The following CDH23 variants were observed in gnomAD, a reference collection of about 807,000 sequenced individuals.
The protein encoded by CDH23 is cadherin-23.
CDH23 carries 189 observed loss-of-function variants against 317.1 expected under a neutral mutation model. That is an observed-to-expected ratio of 0.60 (90% CI 0.53 to 0.67). The LOEUF is 0.67. Among genes scored for constraint, CDH23 ranks in the 30% least tolerant of loss-of-function variants. The probability of loss-of-function intolerance (pLI) is 0.00; values close to 1 mark genes in which losing one functional copy is unlikely to be tolerated. For missense variants in CDH23, 4,401 were observed against 4,592.4 expected (o/e 0.96, Z 1.20); for synonymous variants, 1,839 against 1,876.8 (o/e 0.98, Z 0.52).
At chr10:71,454,281 G>A (rs749749074) in intron 3 of CDH23, among the ~76,000 whole-genome samples, 2 of 152,208 alleles carry the variant, frequency 1.3e-5, no homozygotes, top group South Asian at 2.1e-4. Context: ...AATATTAAAC[G>A]AGCAAATTGT....
chr10:71,408,041 T>G (rs987443230), intron 1 of CDH23, among the ~76,000 whole-genome samples: 2 of 152,228 alleles, frequency 1.3e-5, no homozygotes, highest in Non-Finnish European at 2.9e-5. Context: ...TTTTACTAAG[T>G]ATTAATGACT....
chr10:71,483,236 C>G (rs967177823), intron 3 of CDH23, among the ~76,000 whole-genome samples: 2 of 152,224 alleles, frequency 1.3e-5, no homozygotes, highest in Non-Finnish European at 2.9e-5. Context: ...CACTCTCACC[C>G]TTCCAGGGGT....
At chr10:71,667,099 T>C (rs1404120784) in intron 14 of CDH23, among the ~76,000 whole-genome samples, 3 of 152,356 alleles carry the variant, frequency 2.0e-5, no homozygotes, top group African/African-American at 7.2e-5. Flanking sequence ...CCTCTGTTGC[T>C]GGGACCCAGG....
chr10:71,589,009 G>T (rs1010567457), intron 9 of CDH23, among the ~76,000 whole-genome samples: 1 of 152,110 alleles, frequency 6.6e-6, no homozygotes. Flanking sequence ...CCACTCACAC[G>T]CAAACAGCTC....
intron 3 of CDH23, among the ~76,000 whole-genome samples, chr10:71,477,568 G>A (rs1044647142): frequency 2.0e-5 from 3 of 151,994 alleles, no homozygotes; most frequent in South Asian, 2.1e-4. Flanking sequence ...TCATGGCTTC[G>A]GCTGCCATGT....
intron 9 of CDH23, among the ~76,000 whole-genome samples, chr10:71,602,546 G>A (rs1290523957): frequency 2.0e-5 from 3 of 152,192 alleles, no homozygotes; most frequent in African/African-American, 4.8e-5. Flanking sequence ...GGCAGTTGGA[G>A]GGGGAGGCTG....
intron 14 of CDH23, among the ~76,000 whole-genome samples, chr10:71,674,160 CT>C (rs1389079677): frequency 2.6e-5 from 4 of 152,194 alleles, no homozygotes; most frequent in Non-Finnish European, 5.9e-5. Flanking sequence ...TGGGTATAAA[CT>C]TTTTTTCATT....
chr10:71,807,844 A>T lies in CDH23; in HGVS notation c.8561-2A>T. The T allele has an allele frequency of 6.3e-7, 1 of 1,599,690 alleles. No individual in the cohort carries two copies. The highest frequency in any genetic ancestry group is 1.1e-5 in the South Asian group (1 of 88,696). On this transcript the variant is annotated splice_acceptor_variant, in intron 59 of 69. Transcript: ENST00000224721. LOFTEE classifies it high-confidence loss of function. ...ACTTACACCACCTGCCTCTTCCTGC[A>T]GGGGTGGCCACCGACGCCAAGGTGG...
chr10:71,796,592 A>G (rs1208110021), intron 48 of CDH23, among the ~76,000 whole-genome samples: 1 of 152,232 alleles, frequency 6.6e-6, no homozygotes, highest in African/African-American at 2.4e-5. Flanking sequence ...CATTTTTTAA[A>G]TGGTGATAAA....
chr10:71,583,530 C>T (rs901257565), intron 9 of CDH23, among the ~76,000 whole-genome samples: 2 of 152,092 alleles, frequency 1.3e-5, no homozygotes, highest in Non-Finnish European at 1.5e-5. Flanking sequence ...CAGCCACAGG[C>T]CACATTAGGA....
At chr10:71,600,670 C>T (rs1589251589) in intron 9 of CDH23, among the ~76,000 whole-genome samples, 1 of 152,038 alleles carries the variant, frequency 6.6e-6, no homozygotes, top group East Asian at 1.9e-4. Flanking sequence ...ACACGCACCA[C>T]CACGCCCAGC....
chr10:71,474,558 A>G (rs942123002), intron 3 of CDH23, among the ~76,000 whole-genome samples: 1 of 152,232 alleles, frequency 6.6e-6, no homozygotes, highest in Non-Finnish European at 1.5e-5. Flanking sequence ...TCTGGCAACT[A>G]GCAGCTGTTA....
chr10:71,799,315 T>G lies in CDH23; in HGVS notation c.7224+35T>G, dbSNP rs140383984. On this transcript the variant is annotated intron_variant, in intron 51 of 69. Transcript: ENST00000224721. ...CAGGCCACAGGCTGGGTCCAGGACC[T>G]GCGCCCATTCCTTGGGGTCTTTGGG... 152 of 1,613,636 alleles carry G rather than the reference T, an allele frequency of 9.4e-5. No individual in the cohort carries two copies. The Middle Eastern group carries it at 1.2e-3, about 12-fold the overall frequency.
rs747732549 is a variant in CDH23, at chr10:71,779,249, GC to G, written c.5188-17del. 2 of 1,613,748 alleles carry G rather than the reference GC, an allele frequency of 1.2e-6. No homozygotes were observed. The highest frequency in any genetic ancestry group is 4.5e-5 in the East Asian group (2 of 44,876). On this transcript the variant is annotated splice_polypyrimidine_tract_variant and intron_variant, in intron 40 of 69. Coordinates refer to ENST00000224721, the MANE Select transcript of CDH23 (RefSeq NM_022124.6). The stretch of plus-strand genomic sequence containing the variant: ...CTGGCTGGGGTGAGGCCTTGGCTAA[GC>G]TTTTCCACCATCTCAGGTGCTTGTG...
chr10:71,500,506 G>A (rs1853231227), intron 3 of CDH23, among the ~76,000 whole-genome samples: 1 of 152,336 alleles, frequency 6.6e-6, no homozygotes, highest in Admixed American at 6.5e-5. Context: ...GGAAAGCCAG[G>A]GTGCTAGAGG....
At chr10:71,614,860 G>A (rs538608548) in intron 9 of CDH23, among the ~76,000 whole-genome samples, 25 of 152,218 alleles carry the variant, frequency 1.6e-4, no homozygotes, top group African/African-American at 6.0e-4. Context: ...AGAGGGGTGG[G>A]TTTACAGAGA....
chr10:71,433,117 G>A (rs1360006056), intron 1 of CDH23, among the ~76,000 whole-genome samples: 3 of 152,192 alleles, frequency 2.0e-5, no homozygotes, highest in African/African-American at 7.2e-5. Flanking sequence ...CTAGCTAGAA[G>A]ACAATAAAAC....
Position 71,441,915 on chromosome 10 carries a change from A to G in CDH23, c.67+2017A>G, listed in dbSNP as rs151113120. On this transcript the variant is annotated intron_variant, in intron 2 of 69. Coordinates refer to ENST00000224721, the MANE Select transcript of CDH23 (RefSeq NM_022124.6). ...ACCTCCTGTCTTCCACTCCCGCTCC[A>G]GCTAAGGGGTCCCTTGGGCGAGTGT... 7.8e-3 allele frequency among the ~76,000 whole-genome samples: 1,188 copies of G among 152,238 alleles called. 21 individuals are homozygous for G. The highest frequency in any genetic ancestry group is 0.027 in the African/African-American group (1,111 of 41,526).
In CDH23 at chr10:71,814,941, G is replaced by T; in HGVS notation, c.9739-11G>T. The T allele has an allele frequency of 6.2e-7, 1 of 1,601,394 alleles. No individual in the cohort carries two copies. On this transcript the variant is annotated splice_polypyrimidine_tract_variant and intron_variant, in intron 69 of 69. Transcript: ENST00000224721. ...TGGCCCTGAGCATGTGGGGGTCCCGGCCTCTTGCAGCTGATACAGACTGAG... is the reference window on the plus strand; with the variant it reads ...TGGCCCTGAGCATGTGGGGGTCCCGTCCTCTTGCAGCTGATACAGACTGAG...
Sources: gnomAD v4.1 joint callset for allele counts (sites outside exome capture counted in the v4.1 genomes callset) on GRCh38, gnomAD v4.1.1 for gene constraint, MANE v1.5 for transcripts, NCBI Gene and HGNC (gene_info 2026-07-23, HGNC 2026-07-21) for gene names.